Variants in PPFIA2 observed in about 807,000 individuals in gnomAD.
PPFIA2 encodes PPFI scaffold protein A2.
In PPFIA2, 46 loss-of-function variants were observed where a neutral mutation model predicts 175.5. That is an observed-to-expected ratio of 0.26 (90% CI 0.21 to 0.34). PPFIA2 has a LOEUF of 0.34. Among genes scored for constraint, PPFIA2 ranks in the 10% least tolerant of loss-of-function variants. The pLI is 1.00. For missense variants in PPFIA2, 1,179 were observed against 1,506.1 expected, an observed-to-expected ratio of 0.78 and a Z score of 3.60; for synonymous variants, 568 against 511.4, an observed-to-expected ratio of 1.11 and a Z score of -1.49.
intron 7 of PPFIA2, among the ~76,000 whole-genome samples, chr12:81,438,140 A>G (rs1208988834): frequency 2.0e-5 from 3 of 152,192 alleles, no homozygotes; most frequent in South Asian, 2.1e-4. Flanking sequence ...AGAAAAGCAT[A>G]TATACACTCA....
chr12:81,755,936 A>T (rs2084584109), intron 2 of PPFIA2, among the ~76,000 whole-genome samples: 1 of 152,172 alleles, frequency 6.6e-6, no homozygotes, highest in South Asian at 2.1e-4. Flanking sequence ...ATTTATCTCA[A>T]TTTGATTTTC....
chr12:81,459,304 A>G (rs1051080933), intron 4 of PPFIA2, among the ~76,000 whole-genome samples: 3 of 152,126 alleles, frequency 2.0e-5, no homozygotes, highest in African/African-American at 7.2e-5. Context: ...AGAAAATAAA[A>G]TTTTCTTCAT....
At chr12:81,541,812 C>T (rs1269069396) in intron 4 of PPFIA2, among the ~76,000 whole-genome samples, 2 of 152,092 alleles carry the variant, frequency 1.3e-5, no homozygotes, top group Non-Finnish European at 2.9e-5. Context: ...TCTGAAACCA[C>T]TATACATGTA....
chr12:81,318,261 T>C (rs899594267), intron 22 of PPFIA2, among the ~76,000 whole-genome samples: 1 of 151,748 alleles, frequency 6.6e-6, no homozygotes, highest in African/African-American at 2.4e-5. Flanking sequence ...TTTAAGTAAC[T>C]TTCCCAGAAA....
intron 22 of PPFIA2, among the ~76,000 whole-genome samples, chr12:81,321,199 A>G (rs1457639245): frequency 6.6e-6 from 1 of 152,096 alleles, no homozygotes; most frequent in Admixed American, 6.6e-5. Context: ...CAATAGTTAT[A>G]TGTTTCAGGC....
chr12:81,411,006 G>A (rs1197683489), intron 7 of PPFIA2, among the ~76,000 whole-genome samples: 5 of 151,932 alleles, frequency 3.3e-5, no homozygotes, highest in Non-Finnish European at 7.4e-5. Flanking sequence ...CCCCTTTTGT[G>A]CCCCAACTCA....
intron 3 of PPFIA2, among the ~76,000 whole-genome samples, chr12:81,726,343 T>C (rs547241042): frequency 1.3e-5 from 2 of 151,074 alleles, no homozygotes; most frequent in Non-Finnish European, 3.0e-5. Flanking sequence ...AAAAGAAAAC[T>C]TTCTTTCTCT....
chr12:81,628,083 A>G (rs2062933801), intron 4 of PPFIA2, among the ~76,000 whole-genome samples: 2 of 152,306 alleles, frequency 1.3e-5, no homozygotes, highest in Non-Finnish European at 2.9e-5. Context: ...AGTTGATATA[A>G]GGCTTTCATT....
At chr12:81,596,723 C>T (rs1329350237) in intron 4 of PPFIA2, among the ~76,000 whole-genome samples, 1 of 151,956 alleles carries the variant, frequency 6.6e-6, no homozygotes, top group Non-Finnish European at 1.5e-5. Flanking sequence ...TCTCAGTGTA[C>T]AGAGGAGAAA....
chr12:81,635,555 G>C (rs542259554), intron 4 of PPFIA2, among the ~76,000 whole-genome samples: 2 of 152,156 alleles, frequency 1.3e-5, no homozygotes, highest in Admixed American at 6.5e-5. Flanking sequence ...CAACCAGGAA[G>C]ACATGAAATG....
intron 21 of PPFIA2, among the ~76,000 whole-genome samples, chr12:81,330,037 G>C (rs1284744925): frequency 6.6e-6 from 1 of 152,178 alleles, no homozygotes; most frequent in Non-Finnish European, 1.5e-5. Context: ...CTAGATCTGT[G>C]GATGGAACTA....
chr12:81,267,990 G>A lies in PPFIA2; in HGVS notation c.3408C>T (p.Gly1136=), dbSNP rs1381693421. The part of the protein sequence containing the change: ...ANNILESGVH[G]SLIALDENFD... ...AGTTTTCATCCAGGGCTATAAGTGA[G>A]CCATGCACACCGCTCTCAAGTATAT... is the stretch of plus-strand genomic sequence containing the variant. Residue 1136 remains glycine, a synonymous_variant, in exon 29 of 33, where the codon GGC becomes GGT. Coordinates refer to ENST00000549396, the MANE Select transcript of PPFIA2 (RefSeq NM_003625.5). 1 of 1,599,706 alleles carries A rather than the reference G, an allele frequency of 6.3e-7. No individual in the cohort carries two copies. Among genetic ancestry groups the A allele is most frequent in the Admixed American group, 1.7e-5 (1 of 58,188 alleles).
At chr12:81,274,586 T>TA (rs145061571) in intron 28 of PPFIA2, among the ~76,000 whole-genome samples, 16,884 of 152,220 alleles carry the variant, frequency 0.11, 1,222 homozygotes, top group Admixed American at 0.18. Context: ...GCACTGACTT[T>TA]AAAACTGTGT....
chr12:81,266,975 C>T lies in PPFIA2; in HGVS notation c.3532G>A (p.Gly1178Arg). Residue 1178 changes from glycine (G) to arginine (R), a missense_variant, in exon 30 of 33, where the codon GGA becomes AGA. Coordinates refer to ENST00000549396, the MANE Select transcript of PPFIA2 (RefSeq NM_003625.5). Reference protein sequence around the residue: ...EREYNNLLALGTERRLDESDD... With the variant: ...EREYNNLLALRTERRLDESDD... ...ACTTCATCCAGTCGCCTTTCAGTTC[C>T]CAGGGCCAAGAGGTTATTGTATTCT... The T allele has an allele frequency of 6.2e-7, 1 of 1,613,050 alleles. No homozygotes were observed. The highest frequency in any genetic ancestry group is 8.5e-7 in the Non-Finnish European group (1 of 1,179,354).
intron 4 of PPFIA2, among the ~76,000 whole-genome samples, chr12:81,616,945 C>G (rs535461893): frequency 6.6e-6 from 1 of 152,258 alleles, no homozygotes; most frequent in Non-Finnish European, 1.5e-5. Context: ...ATTATTCACT[C>G]AACAACCCAG....
intron 27 of PPFIA2, among the ~76,000 whole-genome samples, chr12:81,278,619 G>A (rs1007484176): frequency 1.3e-5 from 2 of 151,860 alleles, no homozygotes; most frequent in Non-Finnish European, 2.9e-5. Flanking sequence ...AGTAATCAGA[G>A]AAGATAGAGA....
intron 4 of PPFIA2, among the ~76,000 whole-genome samples, chr12:81,611,022 C>T (rs1394032958): frequency 2.0e-5 from 3 of 152,050 alleles, no homozygotes; most frequent in Non-Finnish European, 4.4e-5. Context: ...GGACTGTGAT[C>T]CTGTAGATGG....
intron 24 of PPFIA2, chr12:81,294,589 A>C (rs866005489): frequency 2.0e-6 from 1 of 497,142 alleles, no homozygotes; most frequent in South Asian, 2.5e-5. Flanking sequence ...GCTTGGGAGA[A>C]AAATCTAAAC....
rs1420551751 is a variant in PPFIA2 at position 81,384,213 on chromosome 12, T to A, written c.794A>T (p.Asp265Val). 3.1e-6 allele frequency: 5 copies of A among 1,600,500 alleles called. No individual in the cohort carries two copies. The South Asian group carries it at 5.6e-5, about 18-fold the overall frequency. ...RLSNGSIDSTDETSQIVELQE... is the reference protein window; with the variant it reads ...RLSNGSIDSTVETSQIVELQE... ...TAGTTCAACTATTTGACTAGTTTCA[T>A]CGGTTGAGTCTATAGAACCATTGGA... The change falls in exon 9 of 33, where the codon GAT becomes GTT. Residue 265 changes from aspartate to valine, a missense_variant. Coordinates refer to ENST00000549396, the MANE Select transcript of PPFIA2 (RefSeq NM_003625.5).
Sources: allele counts gnomAD v4.1 joint callset (sites outside exome capture counted in the v4.1 genomes callset), GRCh38; gene constraint gnomAD v4.1.1; transcripts MANE v1.5; gene names NCBI Gene and HGNC (gene_info 2026-07-23, HGNC 2026-07-21).